The following DSP variants were observed in gnomAD, a reference collection of about 807,000 sequenced individuals.
DSP encodes the protein desmoplakin, also known as 250/210 kDa paraneoplastic pemphigus antigen.
In DSP, 114 loss-of-function variants were observed where a neutral mutation model predicts 290.6. The ratio of observed to expected loss-of-function variants is 0.39; its 90% confidence interval spans 0.34 to 0.46. DSP has a LOEUF of 0.46. Ranked by LOEUF, DSP falls within the 20% of genes least tolerant of loss-of-function variation. The probability of loss-of-function intolerance (pLI) is 0.99; values close to 1 mark genes in which losing one functional copy is unlikely to be tolerated. For missense variants in DSP, 3,230 were observed against 3,495.8 expected (o/e 0.92, Z 1.92); for synonymous variants, 1,311 against 1,316.4 (o/e 1.00, Z 0.09).
intron 13 of DSP, 62 bp downstream of exon 13, chr6:7,570,625 T>C (rs1759017275): frequency 5.6e-6 from 9 of 1,607,032 alleles, no homozygotes; most frequent in Non-Finnish European, 7.6e-6. Flanking sequence ...CCGCAGTGCC[T>C]GTGTCCAACA....
At chr6:7,558,705 G>T (rs1485992460) in intron 3 of DSP, among the ~76,000 whole-genome samples, 1 of 151,948 alleles carries the variant, frequency 6.6e-6, no homozygotes, top group Non-Finnish European at 1.5e-5. Flanking sequence ...GTGGAGACAG[G>T]GTTTTGCCAT....
chr6:7,578,314 C>A, intron 21 of DSP, 150 bp from the exon 22 acceptor site: 1 of 713,318 alleles, frequency 1.4e-6, no homozygotes, highest in Non-Finnish European at 2.4e-6. Context: ...TTTTGCTGTA[C>A]TTTCTTTTGC....
At chr6:7,554,017 T>C (rs1391337814) in intron 1 of DSP, among the ~76,000 whole-genome samples, 1 of 152,024 alleles carries the variant, frequency 6.6e-6, no homozygotes, top group Non-Finnish European at 1.5e-5. Context: ...TCTTATCCCA[T>C]CTATGCATAA....
chr6:7,561,990 C>G (rs1004890972), intron 4 of DSP, among the ~76,000 whole-genome samples: 1 of 152,080 alleles, frequency 6.6e-6, no homozygotes, highest in Non-Finnish European at 1.5e-5. Context: ...TAAATTTAGT[C>G]AGATTTAATT....
Position 7,565,528 on chromosome 6 carries a change from C to G in DSP, c.939+8C>G. ...AAACAGGAGGCCTTCTCCGTAAGTT[C>G]ACCCCACGCGGCTGTAGATGCTTGT... On this transcript the variant is annotated splice_region_variant and intron_variant, in intron 7 of 23. Coordinates refer to ENST00000379802, the MANE Select transcript of DSP (RefSeq NM_004415.4). This position sits in a 1 kb window ranked among gnomAD's most constrained non-coding sequence, Gnocchi z 4.2. 6.2e-7 allele frequency: 1 copy of G among 1,613,772 alleles called. No homozygotes were observed. Among genetic ancestry groups the G allele is most frequent in the Non-Finnish European group, 8.5e-7 (1 of 1,179,828 alleles).
Position 7,583,855 on chromosome 6 carries a change from T to A in DSP, c.6593T>A (p.Leu2198Gln). Reference protein sequence around the residue: ...ERCRIEPHTGLLLLSVQKRSM... With the variant: ...ERCRIEPHTGQLLLSVQKRSM... ...TGCAGAATCGAACCACATACTGGTC[T>A]GCTCTTGCTTTCAGTACAGAAGAGA... Residue 2198 changes from leucine (L) to glutamine (Q), a missense_variant, in exon 24 of 24, where the codon CTG becomes CAG. Around this residue, in one of 5 missense-constraint regions of DSP, gnomAD observed 1,714 missense variants for 1,844.5 expected, o/e 0.93. Transcript: ENST00000379802. This position sits in a 1 kb window ranked among gnomAD's most constrained non-coding sequence, Gnocchi z 4.0. The A allele has an allele frequency of 6.2e-7, 1 of 1,614,182 alleles. No individual in the cohort carries two copies. The highest frequency in any genetic ancestry group is 8.5e-7 in the Non-Finnish European group (1 of 1,180,032).
chr6:7,545,804 C>A (rs79255520), intron 1 of DSP, among the ~76,000 whole-genome samples: 3,370 of 152,266 alleles, frequency 0.022, 140 homozygotes, highest in African/African-American at 0.077. Context: ...AGTATTTCAG[C>A]TGTGTCAGGA....
chr6:7,586,106 C>T lies in DSP; in HGVS notation c.*228C>T, dbSNP rs903316121. The stretch of plus-strand genomic sequence containing the variant: ...ACTTGGATGCAGTGCGTCTGAAGTG[C>T]TAATCAGTTGTAACAATAGCACAAA... On this transcript the variant is annotated 3_prime_UTR_variant, in exon 24 of 24. Coordinates refer to ENST00000379802, the MANE Select transcript of DSP (RefSeq NM_004415.4). 1 of 536,030 alleles carries T rather than the reference C, an allele frequency of 1.9e-6. No individual in the cohort carries two copies. Among genetic ancestry groups the T allele is most frequent in the Non-Finnish European group, 3.3e-6 (1 of 304,692 alleles). The allele number at this position is 536,030 out of a possible 1,614,324, so 33.2% of individuals were successfully genotyped here.
intron 15 of DSP, among the ~76,000 whole-genome samples, chr6:7,573,047 G>T (rs934480799): frequency 4.6e-5 from 7 of 152,062 alleles, no homozygotes; most frequent in Non-Finnish European, 8.8e-5. Flanking sequence ...GTTGGAGGCT[G>T]CAGGGAGCTA....
rs727502995 is a variant in DSP at position 7,542,026 on chromosome 6, C to A, written c.111C>A (p.Thr37=). ...RYEVTSGGGG[T]SRMYYSRRGV... Reference sequence around the variant, plus strand: ...AGGTGACCAGCGGCGGCGGGGGCACCAGCAGGATGTACTATTCTCGGCGCG... The same window carrying A: ...AGGTGACCAGCGGCGGCGGGGGCACAAGCAGGATGTACTATTCTCGGCGCG... The change falls in exon 1 of 24, where the codon ACC becomes ACA. Residue 37 remains threonine, a synonymous_variant. Transcript: ENST00000379802. The A allele has an allele frequency of 6.3e-7, 1 of 1,582,494 alleles. No individual in the cohort carries two copies.
chr6:7,545,648 T>C (rs1022310181), intron 1 of DSP, among the ~76,000 whole-genome samples: 34 of 152,316 alleles, frequency 2.2e-4, no homozygotes, highest in African/African-American at 7.7e-4. Context: ...CCAAGGAAGA[T>C]AAGTACACGA....
Position 7,567,917 on chromosome 6 carries a change from A to C in DSP, c.1266+11A>C, listed in dbSNP as rs1758914405. 6.2e-7 allele frequency: 1 copy of C among 1,613,000 alleles called. No individual in the cohort carries two copies. The highest frequency in any genetic ancestry group is 1.3e-5 in the African/African-American group (1 of 74,908). Reference sequence around the variant, plus strand: ...ATCAAGGAGCTGGAGGTATCGTCTCAGACCCAGAACCTCAGCAGCTGTGCC... The same window carrying C: ...ATCAAGGAGCTGGAGGTATCGTCTCCGACCCAGAACCTCAGCAGCTGTGCC... On this transcript the variant is annotated intron_variant, in intron 10 of 23. Transcript: ENST00000379802.
intron 4 of DSP, among the ~76,000 whole-genome samples, chr6:7,561,228 A>G (rs1758680680): frequency 6.6e-6 from 1 of 152,194 alleles, no homozygotes; most frequent in Admixed American, 6.5e-5. Context: ...TTGGGTTTAC[A>G]GGTGTGAGCC....
chr6:7,582,885 G>A lies in DSP; in HGVS notation c.5623G>A (p.Glu1875Lys). The change falls in exon 24 of 24, where the codon GAG becomes AAG. Residue 1875 changes from glutamate (E) to lysine (K), a missense_variant. Physicochemically the swap from Glu to Lys is moderately conservative, Grantham distance 56. Transcript: ENST00000379802. The surrounding 1 kb of genome is among the most constrained non-coding windows in gnomAD (Gnocchi z 4.2). ...NQWKTQYSRKEEAIRKIESER... is the reference protein window; with the variant it reads ...NQWKTQYSRKKEAIRKIESER... Reference sequence around the variant, plus strand: ...GTGGAAGACTCAATATTCCCGCAAGGAGGAGGCTATTAGGAAGATAGAATC... The same window carrying A: ...GTGGAAGACTCAATATTCCCGCAAGAAGGAGGCTATTAGGAAGATAGAATC... 2.5e-6 allele frequency: 4 copies of A among 1,614,090 alleles called. No individual in the cohort carries two copies. The highest frequency in any genetic ancestry group is 2.2e-5 in the East Asian group (1 of 44,866).
At chr6:7,549,799 G>A (rs907395086) in intron 1 of DSP, among the ~76,000 whole-genome samples, 1 of 152,162 alleles carries the variant, frequency 6.6e-6, no homozygotes, top group Admixed American at 6.5e-5. Context: ...GGAAGGAAAG[G>A]AGTCCAGTTA....
rs574072016 is a variant in DSP at position 7,568,288 on chromosome 6, T to C, written c.1267-149T>C. ...AGTGTTGTCATGAAAGGTTCTCATGTTTCCTGCCGACGAATTTGTGATTTT... is the reference window on the plus strand; with the variant it reads ...AGTGTTGTCATGAAAGGTTCTCATGCTTCCTGCCGACGAATTTGTGATTTT... On this transcript the variant is annotated intron_variant, in intron 10 of 23. Coordinates refer to ENST00000379802, the MANE Select transcript of DSP (RefSeq NM_004415.4). The C allele has an allele frequency of 1.3e-5, 12 of 892,934 alleles. No individual in the cohort carries two copies. In the South Asian group the frequency reaches 1.6e-4, roughly 12 times the overall value. 55.3% of individuals were successfully genotyped at this position (892,934 alleles called of 1,614,324 possible).
intron 11 of DSP, among the ~76,000 whole-genome samples, chr6:7,568,916 A>G (rs911650585): frequency 6.6e-6 from 1 of 152,234 alleles, no homozygotes; most frequent in Non-Finnish European, 1.5e-5. Flanking sequence ...TTTATGTTGC[A>G]TATAAAGTGA....
chr6:7,581,653 G>GAA (rs1759444838), intron 23 of DSP, 84 bp downstream of exon 23: 1 of 1,561,996 alleles, frequency 6.4e-7, no homozygotes, highest in Non-Finnish European at 8.7e-7. Flanking sequence ...TGCTCTTTCT[G>GAA]CTTAAATAGA....
chr6:7,567,866 TGCCCCTGCA>T lies in DSP; in HGVS notation c.1229_1237del (p.Pro410_Gln412del). On this transcript the variant is annotated inframe_deletion, in exon 10 of 24. Transcript: ENST00000379802. ...AAGAAGTACCCCTGCGACAAGAACATGCCCCTGCAGCACCTGCTGGAACAGATCAAGGAG... is the reference window on the plus strand; with the variant it reads ...AAGAAGTACCCCTGCGACAAGAACATGCACCTGCTGGAACAGATCAAGGAG... 6.2e-7 allele frequency: 1 copy of T among 1,614,080 alleles called. No individual in the cohort carries two copies. Among genetic ancestry groups the T allele is most frequent in the Non-Finnish European group, 8.5e-7 (1 of 1,179,974 alleles).
Sources: allele counts gnomAD v4.1 joint callset (sites outside exome capture counted in the v4.1 genomes callset), GRCh38; gene constraint gnomAD v4.1.1; regional missense constraint gnomAD v4.1.1; non-coding constraint Gnocchi (gnomAD v3.1); transcripts MANE v1.5; gene names NCBI Gene and HGNC (gene_info 2026-07-23, HGNC 2026-07-21).